Variants in HIVEP1 observed in about 807,000 individuals in gnomAD.
HIVEP1 encodes the protein HIVEP zinc finger 1.
In HIVEP1, 36 loss-of-function variants were observed where a neutral mutation model predicts 180.0. The observed-to-expected ratio is 0.20, with a 90% CI of 0.15 to 0.26. The LOEUF (loss-of-function observed/expected upper bound fraction) is 0.26, where lower values mean the gene tolerates loss of function less well. Among genes scored for constraint, HIVEP1 ranks in the 10% least tolerant of loss-of-function variants. HIVEP1 has a pLI of 1.00. For synonymous variants in HIVEP1, 1,239 were observed against 1,239.0 expected (o/e 1.00, Z 0.00); for missense variants, 3,143 against 3,268.7 (o/e 0.96, Z 0.94).
At chr6:12,102,863 G>A (rs1774194328) in intron 3 of HIVEP1, among the ~76,000 whole-genome samples, 1 of 152,026 alleles carries the variant, frequency 6.6e-6, no homozygotes, top group Non-Finnish European at 1.5e-5. Context: ...TTGTTATGTT[G>A]TCAGTTCTTA....
In HIVEP1 at chr6:12,124,591, C is replaced by T; in HGVS notation, c.4796C>T (p.Ala1599Val). The change falls in exon 4 of 9, where the codon GCA becomes GTA. Residue 1599 changes from alanine to valine, a missense_variant. By Grantham distance (64) the Ala-to-Val change is moderately conservative. Coordinates refer to ENST00000379388, the MANE Select transcript of HIVEP1 (RefSeq NM_002114.4). ...PVGTDHCVTS[A>V]TLPTKLIDSM... ...GGAACAGATCATTGTGTGACATCAG[C>T]AACATTACCAACCAAATTAATTGAC... 6.2e-7 allele frequency: 1 copy of T among 1,614,118 alleles called. No homozygotes were observed. The highest frequency in any genetic ancestry group is 8.5e-7 in the Non-Finnish European group (1 of 1,180,010).
chr6:12,162,424 A>G (rs1760466784), intron 8 of HIVEP1, among the ~76,000 whole-genome samples: 1 of 152,228 alleles, frequency 6.6e-6, no homozygotes, highest in African/African-American at 2.4e-5. Context: ...AAACACATCA[A>G]GAAGTTCACT....
chr6:12,046,871 G>GTGTGTGTGTGTGTT (rs1009649847), intron 2 of HIVEP1, among the ~76,000 whole-genome samples: 1 of 151,588 alleles, frequency 6.6e-6, no homozygotes, highest in South Asian at 2.1e-4. Flanking sequence ...GTGTGTGTGT[G>GTGTGTGTGTGTGTT]TGTGTTTGAG....
intron 2 of HIVEP1, chr6:12,037,805 AAG>A (rs766616479): frequency 3.3e-4 from 148 of 443,898 alleles, no homozygotes; most frequent in African/African-American, 2.8e-3. Context: ...GGGACAAGCT[AAG>A]GCTTGTCCCC....
rs571709917 is a variant in HIVEP1 at position 12,055,299 on chromosome 6, T to C, written c.41-33885T>C. Among the ~76,000 whole-genome samples the C allele has an allele frequency of 9.9e-4, 150 of 151,948 alleles. 1 individual carries two copies. The highest frequency in any genetic ancestry group is 1.5e-3 in the South Asian group (7 of 4,810). ...ACCATCCTGGCCAACACGGTGAAAC[T>C]CCGTCTCTACTAAAAATGCAAAAAT... On this transcript the variant is annotated intron_variant, in intron 2 of 8. Coordinates refer to ENST00000379388, the MANE Select transcript of HIVEP1 (RefSeq NM_002114.4).
At chr6:12,022,959 A>C (rs1768342044) in intron 2 of HIVEP1, among the ~76,000 whole-genome samples, 1 of 152,154 alleles carries the variant, frequency 6.6e-6, no homozygotes, top group African/African-American at 2.4e-5. Flanking sequence ...GTTTTTTGAC[A>C]GTGTTAGATG....
chr6:12,162,955 T>C (rs1335267848), intron 8 of HIVEP1, among the ~76,000 whole-genome samples: 1 of 152,174 alleles, frequency 6.6e-6, no homozygotes. Flanking sequence ...AAATAGCAGC[T>C]TAAGAATATA....
At chr6:12,179,707 C>A in the HIVEP1 span, among the ~76,000 whole-genome samples, 2 of 152,160 alleles carry the variant, frequency 1.3e-5, no homozygotes, top group African/African-American at 4.8e-5. Flanking sequence ...GTATCACCTA[C>A]AAGTAATGTT....
rs1757888976 is a variant in HIVEP1 at position 12,124,021 on chromosome 6, C to T, written c.4226C>T (p.Ser1409Leu). 1.2e-6 allele frequency: 2 copies of T among 1,614,020 alleles called. No individual in the cohort carries two copies. Among genetic ancestry groups the T allele is most frequent in the South Asian group, 2.2e-5 (2 of 91,062 alleles). Reference sequence around the variant, plus strand: ...CTTACTGAATTGCAGCCTCCATCTTCACCTTCTCGAGTGGGAGTGACTGGG... The same window carrying T: ...CTTACTGAATTGCAGCCTCCATCTTTACCTTCTCGAGTGGGAGTGACTGGG... ...TPLTELQPPS[S>L]PSRVGVTGHV... The change falls in exon 4 of 9, where the codon TCA (serine) becomes TTA (leucine). Residue 1409 changes from serine (S) to leucine (L), a missense_variant. Physicochemically the swap from Ser to Leu is moderately radical, Grantham distance 145 (BLOSUM62 -2). Transcript: ENST00000379388.
the HIVEP1 span, among the ~76,000 whole-genome samples, chr6:12,190,569 T>C: frequency 6.6e-6 from 1 of 152,196 alleles, no homozygotes; most frequent in Non-Finnish European, 1.5e-5. Flanking sequence ...CTCTTTCTTA[T>C]TCTTTTGGCT....
At chr6:12,028,111 C>T (rs1768703490) in intron 2 of HIVEP1, among the ~76,000 whole-genome samples, 3 of 152,236 alleles carry the variant, frequency 2.0e-5, no homozygotes, top group South Asian at 4.1e-4. Flanking sequence ...CTGGTGTTAG[C>T]ACGTGGCTCA....
chr6:12,054,645 A>G (rs1770746716), intron 2 of HIVEP1, among the ~76,000 whole-genome samples: 1 of 152,214 alleles, frequency 6.6e-6, no homozygotes, highest in Admixed American at 6.5e-5. Flanking sequence ...ATAATATTGT[A>G]TCACATGACT....
At chr6:12,159,765 A>G (rs1760288304) in intron 7 of HIVEP1, among the ~76,000 whole-genome samples, 1 of 152,232 alleles carries the variant, frequency 6.6e-6, no homozygotes, top group Non-Finnish European at 1.5e-5. Context: ...CCCTAAAAGC[A>G]AAAGCCTTAT....
At chr6:12,169,937 A>G (rs926850780), downstream of HIVEP1, among the ~76,000 whole-genome samples, 4 of 152,028 alleles carry the variant, frequency 2.6e-5, no homozygotes, top group East Asian at 5.8e-4. Context: ...TGGCTAACAC[A>G]GCGAAACCCT....
chr6:12,017,962 A>G (rs551370880), intron 2 of HIVEP1, among the ~76,000 whole-genome samples: 1 of 152,308 alleles, frequency 6.6e-6, no homozygotes, highest in Non-Finnish European at 1.5e-5. Context: ...CTGGGCGCCT[A>G]GGAACAGGGG....
the HIVEP1 span, among the ~76,000 whole-genome samples, chr6:12,205,162 G>T: frequency 6.6e-6 from 1 of 152,140 alleles, no homozygotes; most frequent in Non-Finnish European, 1.5e-5. Context: ...AGTCAAATGG[G>T]AAGCCAGTAA....
intron 2 of HIVEP1, among the ~76,000 whole-genome samples, chr6:12,047,095 G>A (rs1770190585): frequency 6.6e-6 from 1 of 152,042 alleles, no homozygotes; most frequent in Non-Finnish European, 1.5e-5. Context: ...TCCTGACCTT[G>A]TGATCTACCA....
In HIVEP1 at chr6:12,137,326, G is replaced by A. The variant is rs533273523; in HGVS notation, c.6487+1434G>A. 5.9e-5 allele frequency among the ~76,000 whole-genome samples: 9 copies of A among 152,164 alleles called. No homozygotes were observed. In the East Asian group the frequency reaches 1.7e-3, roughly 29 times the overall value. On this transcript the variant is annotated intron_variant, in intron 7 of 8. Coordinates refer to ENST00000379388, the MANE Select transcript of HIVEP1 (RefSeq NM_002114.4). ...CTGTAGAATTCTCTAAATTGTTAAG[G>A]GAAGGTAGTACTTATATCTTAAATT...
Position 12,163,437 on chromosome 6 carries a change from C to G in HIVEP1, c.7133C>G (p.Thr2378Ser), listed in dbSNP as rs772915316. 2.2e-5 allele frequency: 36 copies of G among 1,614,088 alleles called. No individual in the cohort carries two copies. Among genetic ancestry groups the G allele is most frequent in the Non-Finnish European group, 3.0e-5 (35 of 1,180,040 alleles). The change falls in exon 9 of 9, where the codon ACT (threonine) becomes AGT (serine). Residue 2378 changes from threonine (T) to serine (S), a missense_variant. By Grantham distance (58) the Thr-to-Ser change is moderately conservative (BLOSUM62 1). Around this residue, in one of 12 missense-constraint regions of HIVEP1, gnomAD observed 595 missense variants for 602.2 expected, o/e 0.99. Coordinates refer to ENST00000379388, the MANE Select transcript of HIVEP1 (RefSeq NM_002114.4). ...ACTCCAGGCTTGCCTTCTCCCCACA[C>G]TCATTTGTTTAGCCACCTTCCTTTG... is the stretch of plus-strand genomic sequence containing the variant. Reference protein sequence around the residue: ...QPTPGLPSPHTHLFSHLPLHS... With the variant: ...QPTPGLPSPHSHLFSHLPLHS...
Sources: allele counts gnomAD v4.1 joint callset (sites outside exome capture counted in the v4.1 genomes callset), GRCh38; gene constraint gnomAD v4.1.1; regional missense constraint gnomAD v4.1.1; transcripts MANE v1.5; gene names NCBI Gene and HGNC (gene_info 2026-07-23, HGNC 2026-07-21).